SYNE1: variants seen among roughly 807,000 people sequenced by gnomAD.
SYNE1 encodes spectrin repeat containing nuclear envelope protein 1.
A neutral mutation model predicts 1,111.0 loss-of-function variants in SYNE1; 616 were observed. That is an observed-to-expected ratio of 0.55 (90% confidence interval 0.52 to 0.59). The LOEUF (loss-of-function observed/expected upper bound fraction) is 0.59. SYNE1 is among the 20% of genes least tolerant of loss of function. The probability of loss-of-function intolerance (pLI) is 0.00; values close to 1 mark genes in which losing one functional copy is unlikely to be tolerated. For synonymous variants in SYNE1, 3,855 were observed against 3,825.8 expected (o/e 1.01, Z -0.28); for missense variants, 10,006 against 10,417.0 (o/e 0.96, Z 1.72).
In SYNE1 at chr6:152,326,589, C is replaced by G; in HGVS notation, c.15000G>C (p.Gln5000His). ...EIYSQCQRYY[Q>H]VFQAANDWLE... The stretch of plus-strand genomic sequence containing the variant: ...GCCAGTCATTGGCTGCTTGAAATAC[C>G]TGATAATACCTTTGACACTGGCTAT... Residue 5000 changes from glutamine (Q) to histidine (H), a missense_variant, in exon 79 of 146, where the codon CAG becomes CAC. Physicochemically the swap from Gln to His is conservative, Grantham distance 24. Coordinates refer to ENST00000367255, the MANE Select transcript of SYNE1 (RefSeq NM_182961.4). 6.2e-7 allele frequency: 1 copy of G among 1,614,196 alleles called. No individual in the cohort carries two copies. Among genetic ancestry groups the G allele is most frequent in the Non-Finnish European group, 8.5e-7 (1 of 1,180,048 alleles).
At chr6:152,436,158 C>T (rs1330036295) in intron 32 of SYNE1, 57 bp from the exon 33 acceptor site, 2 of 1,581,462 alleles carry the variant, frequency 1.3e-6, no homozygotes, top group Admixed American at 3.4e-5. Flanking sequence ...TCTCTGCCCT[C>T]AAATAAAGTG....
chr6:152,463,848 A>T (rs2098748782), intron 18 of SYNE1, among the ~76,000 whole-genome samples: 1 of 152,172 alleles, frequency 6.6e-6, no homozygotes. Context: ...CAGGCTAGTA[A>T]ATACCAGTGC....
chr6:152,470,537 A>T (rs1462451123), intron 16 of SYNE1, among the ~76,000 whole-genome samples: 1 of 152,228 alleles, frequency 6.6e-6, no homozygotes, highest in Non-Finnish European at 1.5e-5. Flanking sequence ...AGACAATTTT[A>T]GTAAATCTAG....
At chr6:152,475,031 T>C (rs1031067906) in intron 14 of SYNE1, among the ~76,000 whole-genome samples, 23 of 152,302 alleles carry the variant, frequency 1.5e-4, no homozygotes, top group Middle Eastern at 3.4e-3. Flanking sequence ...AGAAATTTAC[T>C]AGTTAAAAGA....
chr6:152,462,599 G>A, intron 20 of SYNE1, 139 bp downstream of exon 20: 3 of 893,946 alleles, frequency 3.4e-6, no homozygotes, highest in Non-Finnish European at 1.8e-6. Context: ...TTTCTGACAG[G>A]TGCAAATTGG....
In SYNE1 at chr6:152,387,007, T is replaced by C. The variant is rs145431570; in HGVS notation, c.8487+65A>G. 5.2e-3 allele frequency: 7,004 copies of C among 1,340,544 alleles called. 34 individuals carry two copies. The highest frequency in any genetic ancestry group is 7.9e-3 in the South Asian group (481 of 61,256). The allele number at this position is 1,340,544 out of a possible 1,614,324, so 83.0% of individuals were successfully genotyped here. A position where few individuals can be genotyped will look rare whatever the true frequency, so the allele number is the denominator to read the frequency against. On this transcript the variant is annotated intron_variant, in intron 54 of 145. Transcript: ENST00000367255. ...ACCTTGGCAACAGTCATTATATTATTAATATAAATCAATATATTGTATTAA... is the reference window on the plus strand; with the variant it reads ...ACCTTGGCAACAGTCATTATATTATCAATATAAATCAATATATTGTATTAA...
chr6:152,390,386 C>T lies in SYNE1; in HGVS notation c.8071G>A (p.Ala2691Thr). 1 of 1,614,158 alleles carries T rather than the reference C, an allele frequency of 6.2e-7. No individual in the cohort carries two copies. The highest frequency in any genetic ancestry group is 8.5e-7 in the Non-Finnish European group (1 of 1,180,010). ...CCTTCTTTGTTGCTACTTCTCAAGG[C>T]CTGTTCCCCCTTGCCAATGGCCATA... ...LNMAIGKGEQ[A>T]LRSSNKEGQR... The change falls in exon 53 of 146, where the codon GCC becomes ACC. Residue 2691 changes from alanine (A) to threonine (T), a missense_variant. This residue lies in a region of SYNE1 where 4,955 missense variants were observed against 5,017.2 expected (regional missense o/e 0.99). Coordinates refer to ENST00000367255, the MANE Select transcript of SYNE1 (RefSeq NM_182961.4).
Position 152,249,150 on chromosome 6 carries a change from G to A in SYNE1, c.19572+11C>T. 6.4e-7 allele frequency: 1 copy of A among 1,566,192 alleles called. No homozygotes were observed. Among genetic ancestry groups the A allele is most frequent in the Non-Finnish European group, 8.8e-7 (1 of 1,136,400 alleles). ...GCATTTTCTCTTCTAGGAAAAGGCA[G>A]CTATAAATACCTCTATTTGTTCTGC... On this transcript the variant is annotated intron_variant, in intron 105 of 145. Coordinates refer to ENST00000367255, the MANE Select transcript of SYNE1 (RefSeq NM_182961.4).
At chr6:152,290,450 G>A (rs544015360) in intron 95 of SYNE1, among the ~76,000 whole-genome samples, 3 of 152,108 alleles carry the variant, frequency 2.0e-5, no homozygotes, top group South Asian at 2.1e-4. Flanking sequence ...CCAGCTACTC[G>A]GGAGGCTGAG....
Position 152,197,007 on chromosome 6 carries a change from G to A in SYNE1, c.23145+4817C>T, listed in dbSNP as rs536663712. On this transcript the variant is annotated intron_variant, in intron 127 of 145. Coordinates refer to ENST00000367255, the MANE Select transcript of SYNE1 (RefSeq NM_182961.4). ...TAGGTCTTGTGTAAATGCTCCCTCC[G>A]TGGGCATCAGCTGAGTTCTGCCTGG... Among the ~76,000 whole-genome samples the A allele has an allele frequency of 3.3e-5, 5 of 152,270 alleles. No individual in the cohort carries two copies. In the East Asian group the frequency reaches 7.8e-4, roughly 24 times the overall value.
chr6:152,136,388 A>G (rs1304195829), intron 141 of SYNE1, among the ~76,000 whole-genome samples: 1 of 152,274 alleles, frequency 6.6e-6, no homozygotes, highest in East Asian at 1.9e-4. Context: ...CATGAGGAAT[A>G]GTCTCTTCTT....
At chr6:152,481,314 C>G (rs1024682568) in intron 14 of SYNE1, 1 of 264,002 alleles carries the variant, frequency 3.8e-6, no homozygotes, top group African/African-American at 2.2e-5. Context: ...GAGCTGAAAA[C>G]CTGCACATAG....
chr6:152,221,241 A>G (rs192146059), intron 118 of SYNE1, among the ~76,000 whole-genome samples, 185 bp downstream of exon 118: 1 of 152,356 alleles, frequency 6.6e-6, no homozygotes, highest in East Asian at 1.9e-4. Flanking sequence ...TTGGGTGTAC[A>G]GTACTTCTAA....
chr6:152,142,591 T>C (rs2058729631), intron 138 of SYNE1, among the ~76,000 whole-genome samples: 1 of 152,250 alleles, frequency 6.6e-6, no homozygotes, highest in South Asian at 2.1e-4. Flanking sequence ...CATAAATCCT[T>C]TAACAAATCA....
intron 127 of SYNE1, among the ~76,000 whole-genome samples, chr6:152,198,984 TAA>T (rs61232469): frequency 4.4e-4 from 59 of 135,326 alleles, no homozygotes; most frequent in South Asian, 3.8e-3. Flanking sequence ...CTTCAATTTG[TAA>T]AAAAAAAAAA....
At chr6:152,322,235 A>C (rs898643736) in intron 82 of SYNE1, among the ~76,000 whole-genome samples, 2 of 152,326 alleles carry the variant, frequency 1.3e-5, no homozygotes, top group Non-Finnish European at 2.9e-5. Context: ...ATATATAGCT[A>C]TCTAATAGAA....
intron 75 of SYNE1, among the ~76,000 whole-genome samples, chr6:152,337,571 G>C (rs2096429167): frequency 6.6e-6 from 1 of 152,222 alleles, no homozygotes; most frequent in South Asian, 2.1e-4. Flanking sequence ...TTACAGGAGT[G>C]AGCCACTGCG....
At chr6:152,439,247 A>C (rs2098504829) in intron 32 of SYNE1, among the ~76,000 whole-genome samples, 1 of 152,244 alleles carries the variant, frequency 6.6e-6, no homozygotes, top group African/African-American at 2.4e-5. Flanking sequence ...CAGGTACTTA[A>C]ACTGATCCAA....
chr6:152,505,179 A>T, intron 9 of SYNE1, 22 bp downstream of exon 9: 1 of 1,613,468 alleles, frequency 6.2e-7, no homozygotes, highest in Non-Finnish European at 8.5e-7. Context: ...GGTATATAAC[A>T]GTCAATGAAT....
Sources: allele counts gnomAD v4.1 joint callset (sites outside exome capture counted in the v4.1 genomes callset), GRCh38; gene constraint gnomAD v4.1.1; regional missense constraint gnomAD v4.1.1; transcripts MANE v1.5; gene names NCBI Gene and HGNC (gene_info 2026-07-23, HGNC 2026-07-21).